The following IMMP2L variants were observed in gnomAD, a reference collection of about 807,000 sequenced individuals.
The protein encoded by IMMP2L is inner mitochondrial membrane peptidase subunit 2.
A neutral mutation model predicts 19.3 loss-of-function variants in IMMP2L; 18 were observed. That is an observed-to-expected ratio of 0.93 (90% CI 0.64 to 1.38). The LOEUF (loss-of-function observed/expected upper bound fraction) is 1.38. Among genes scored for constraint, IMMP2L ranks in the 40% most tolerant of loss-of-function variants. IMMP2L has a pLI of 0.00. For missense variants in IMMP2L, 233 were observed against 218.2 expected, an observed-to-expected ratio of 1.07 and a Z score of -0.43; for synonymous variants, 76 against 73.0, an observed-to-expected ratio of 1.04 and a Z score of -0.21.
chr7:111,288,909 C>G (rs1820785965), intron 3 of IMMP2L, among the ~76,000 whole-genome samples: 1 of 152,094 alleles, frequency 6.6e-6, no homozygotes, highest in Non-Finnish European at 1.5e-5. Context: ...CCAGCCATCC[C>G]ATTACTAGGC....
chr7:111,172,547 G>C lies in IMMP2L; in HGVS notation c.240-208982C>G, dbSNP rs1160036439. 2.0e-5 allele frequency among the ~76,000 whole-genome samples: 3 copies of C among 151,372 alleles called. No individual in the cohort carries two copies. The East Asian group carries it at 5.9e-4, about 30-fold the overall frequency. On this transcript the variant is annotated intron_variant, in intron 3 of 5. Transcript: ENST00000405709. ...ATTTTAAAATATATAATACATTGCT[G>C]CTAATTATAGTCACCCTATCGTGCT...
intron 3 of IMMP2L, among the ~76,000 whole-genome samples, chr7:111,009,591 G>A (rs1382722351): frequency 1.3e-5 from 2 of 151,964 alleles, no homozygotes; most frequent in Admixed American, 1.3e-4. Flanking sequence ...GTTAATATGA[G>A]AAAATTTTAA....
intron 3 of IMMP2L, among the ~76,000 whole-genome samples, chr7:111,470,513 C>G (rs1937361575): frequency 6.6e-6 from 1 of 151,658 alleles, no homozygotes; most frequent in African/African-American, 2.4e-5. Context: ...GAAAATGTGG[C>G]ACATATACAC....
chr7:111,518,325 GTATT>G (rs903457650), intron 2 of IMMP2L, among the ~76,000 whole-genome samples: 1 of 152,050 alleles, frequency 6.6e-6, no homozygotes, highest in Non-Finnish European at 1.5e-5. Flanking sequence ...AACCAAAACA[GTATT>G]TATTCAATAA....
At chr7:110,963,225 A>C in intron 4 of IMMP2L, 1 of 671,570 alleles carries the variant, frequency 1.5e-6, no homozygotes, top group Non-Finnish European at 2.4e-6. Flanking sequence ...ATATCTGATC[A>C]ATAATGATTT....
At chr7:111,332,301 T>C (rs1825958075) in intron 3 of IMMP2L, among the ~76,000 whole-genome samples, 1 of 151,910 alleles carries the variant, frequency 6.6e-6, no homozygotes, top group Admixed American at 6.6e-5. Context: ...TAATATAGCG[T>C]GCATAATATT....
chr7:111,046,591 C>T (rs1222370333), intron 3 of IMMP2L, among the ~76,000 whole-genome samples: 1 of 152,066 alleles, frequency 6.6e-6, no homozygotes, highest in Non-Finnish European at 1.5e-5. Flanking sequence ...CAACAGATTA[C>T]AGAAGACTAT....
intron 4 of IMMP2L, among the ~76,000 whole-genome samples, chr7:110,945,806 C>A (rs1817194420): frequency 6.6e-6 from 1 of 152,028 alleles, no homozygotes; most frequent in Non-Finnish European, 1.5e-5. Context: ...AGAATCAGAC[C>A]CTTTACTTTA....
intron 5 of IMMP2L, among the ~76,000 whole-genome samples, chr7:110,724,765 G>A (rs930611478): frequency 3.9e-5 from 6 of 151,970 alleles, no homozygotes; most frequent in Non-Finnish European, 5.9e-5. Context: ...AAACAAAAAT[G>A]ACTATTTAAG....
intron 3 of IMMP2L, among the ~76,000 whole-genome samples, chr7:111,135,827 T>G (rs1802282466): frequency 6.6e-6 from 1 of 152,122 alleles, no homozygotes; most frequent in Non-Finnish European, 1.5e-5. Context: ...TATTATCTCT[T>G]GACTCCACTA....
chr7:111,203,683 T>C (rs1170456278), intron 3 of IMMP2L, among the ~76,000 whole-genome samples: 1 of 151,822 alleles, frequency 6.6e-6, no homozygotes, highest in African/African-American at 2.4e-5. Flanking sequence ...AAAATAATTC[T>C]TCTTTGCCTT....
rs184701061 is a variant in IMMP2L at position 111,305,301 on chromosome 7, G to T, written c.239+181937C>A. On this transcript the variant is annotated intron_variant, in intron 3 of 5. Transcript: ENST00000405709. ...GCTCAGTGGGATCAGCTGGCTTCAGGGCTTTACAAAGAAATCCATTTCCCT... is the reference window on the plus strand; with the variant it reads ...GCTCAGTGGGATCAGCTGGCTTCAGTGCTTTACAAAGAAATCCATTTCCCT... Among the ~76,000 whole-genome samples the T allele has an allele frequency of 1.2e-3, 188 of 152,180 alleles. 1 individual carries two copies. Among genetic ancestry groups the T allele is most frequent in the African/African-American group, 4.4e-3 (181 of 41,518 alleles).
chr7:111,388,543 G>A (rs1385597838), intron 3 of IMMP2L, among the ~76,000 whole-genome samples: 1 of 151,950 alleles, frequency 6.6e-6, no homozygotes, highest in Non-Finnish European at 1.5e-5. Context: ...CCGTTTTCAT[G>A]CTGCTGATAA....
chr7:111,504,725 G>C lies in IMMP2L; in HGVS notation c.135+16588C>G, dbSNP rs1263688668. Among the ~76,000 whole-genome samples, 6 of 152,294 alleles carry C rather than the reference G, an allele frequency of 3.9e-5. 2 individuals are homozygous for C. The highest frequency in any genetic ancestry group is 7.4e-5 in the Non-Finnish European group (5 of 68,016). ...TGACAAAAACAAGCAATGGGGAAAGGATTTCCTATTTAATAAATGGTGCTG... is the reference window on the plus strand; with the variant it reads ...TGACAAAAACAAGCAATGGGGAAAGCATTTCCTATTTAATAAATGGTGCTG... On this transcript the variant is annotated intron_variant, in intron 2 of 5. Coordinates refer to ENST00000405709, the MANE Select transcript of IMMP2L (RefSeq NM_032549.4).
At chr7:110,985,758 A>C (rs1821794252) in intron 3 of IMMP2L, among the ~76,000 whole-genome samples, 1 of 152,056 alleles carries the variant, frequency 6.6e-6, no homozygotes, top group Admixed American at 6.6e-5. Flanking sequence ...ACTTTTTCTC[A>C]AAGCCGACAA....
At chr7:111,316,875 G>A (rs1407447059) in intron 3 of IMMP2L, among the ~76,000 whole-genome samples, 1 of 123,320 alleles carries the variant, frequency 8.1e-6, no homozygotes, top group Admixed American at 1.0e-4. Context: ...TTTTGAGATG[G>A]AGTCTCGCTA....
At chr7:111,179,124 A>G (rs1176940433) in intron 3 of IMMP2L, among the ~76,000 whole-genome samples, 2 of 152,098 alleles carry the variant, frequency 1.3e-5, no homozygotes, top group African/African-American at 2.4e-5. Context: ...GCATGAAAAT[A>G]ACATTAATCT....
rs879310514 is a variant in IMMP2L at position 111,536,998 on chromosome 7, C to CAA, written c.-2-15551_-2-15550dup. Reference sequence around the variant, plus strand: ...GTCAGGAAAAGCAGAGAAATCTTACCAAAAAAAAAAATTGAATCAACATCT... The same window carrying CAA: ...GTCAGGAAAAGCAGAGAAATCTTACCAAAAAAAAAAAAATTGAATCAACATCT... On this transcript the variant is annotated intron_variant, in intron 1 of 5. Transcript: ENST00000405709. 1.4e-3 allele frequency among the ~76,000 whole-genome samples: 201 copies of CAA among 144,818 alleles called. 2 individuals are homozygous for CAA. The highest frequency in any genetic ancestry group is 4.8e-3 in the African/African-American group (191 of 39,672).
chr7:110,677,539 C>G (rs1288403521), intron 5 of IMMP2L, among the ~76,000 whole-genome samples: 1 of 152,094 alleles, frequency 6.6e-6, no homozygotes, highest in Non-Finnish European at 1.5e-5. Context: ...CCTAATAAAA[C>G]AAAGGCATGC....
Sources: allele counts gnomAD v4.1 joint callset (sites outside exome capture counted in the v4.1 genomes callset), GRCh38; gene constraint gnomAD v4.1.1; transcripts MANE v1.5; gene names NCBI Gene and HGNC (gene_info 2026-07-23, HGNC 2026-07-21).